The following PDE1C variants were observed in gnomAD, a reference collection of about 807,000 sequenced individuals.
PDE1C encodes the protein dual specificity calcium/calmodulin-dependent 3',5'-cyclic nucleotide phosphodiesterase 1C.
PDE1C carries 62 observed loss-of-function variants against 93.1 expected under a neutral mutation model. The observed-to-expected ratio is 0.67, with a 90% CI of 0.54 to 0.82. The LOEUF (loss-of-function observed/expected upper bound fraction) is 0.82. PDE1C is among the 40% of genes least tolerant of loss of function. The pLI is 0.00. For synonymous variants in PDE1C, 325 were observed against 310.1 expected (o/e 1.05, Z -0.50); for missense variants, 742 against 884.6 (o/e 0.84, Z 2.04).
the PDE1C span, chr7:31,643,230 G>C: frequency 1.5e-5 from 25 of 1,613,866 alleles, no homozygotes; most frequent in Admixed American, 4.2e-4. Flanking sequence ...CACGAGAAGA[G>C]GAAAGCAGTG....
chr7:32,316,572 AATGATC>A (rs1213022856), intron 1 of PDE1C, among the ~76,000 whole-genome samples: 1 of 152,194 alleles, frequency 6.6e-6, no homozygotes, highest in Non-Finnish European at 1.5e-5. Context: ...AGTTCTAAAT[AATGATC>A]ATGAATTACA....
chr7:31,736,239 C>T, the PDE1C span, among the ~76,000 whole-genome samples: 8 of 152,196 alleles, frequency 5.3e-5, no homozygotes, highest in Non-Finnish European at 8.8e-5. Context: ...TGTGGGCAGG[C>T]TTGCCTTAGG....
chr7:32,260,789 G>A (rs567508174), intron 1 of PDE1C, among the ~76,000 whole-genome samples: 161 of 152,312 alleles, frequency 1.1e-3, no homozygotes, highest in African/African-American at 3.7e-3. Context: ...CTTGCCTGGG[G>A]ACCAGTCTGC....
chr7:32,113,423 C>T (rs1467583692), intron 3 of PDE1C, among the ~76,000 whole-genome samples: 1 of 150,092 alleles, frequency 6.7e-6, no homozygotes, highest in Non-Finnish European at 1.5e-5. Flanking sequence ...ATTGTTATAG[C>T]TTTATAATAT....
Position 31,879,054 on chromosome 7 carries a change from C to G in PDE1C, c.367G>C (p.Glu123Gln), listed in dbSNP as rs865799888. Residue 123 changes from glutamate (E) to glutamine (Q), a missense_variant, in exon 4 of 18, where the codon GAG becomes CAG. Glu to Gln is a conservative substitution (Grantham distance 29). Around this residue, in one of 4 missense-constraint regions of PDE1C, gnomAD observed 205 missense variants for 295.3 expected, o/e 0.69. Coordinates refer to ENST00000396191, the MANE Select transcript of PDE1C (RefSeq NM_001191057.4). ...QMGMMLRRSDEKPRFKSIVHA... is the reference protein window; with the variant it reads ...QMGMMLRRSDQKPRFKSIVHA... ...ACGATGCTCTTGAACCGGGGCTTCT[C>G]GTCGCTCCTCCTGAGCATCATCCCC... 6.2e-7 allele frequency: 1 copy of G among 1,614,056 alleles called. No individual in the cohort carries two copies. Among genetic ancestry groups the G allele is most frequent in the Admixed American group, 1.7e-5 (1 of 60,008 alleles).
At chr7:32,091,101 A>C (rs1441132299) in intron 3 of PDE1C, among the ~76,000 whole-genome samples, 1 of 152,186 alleles carries the variant, frequency 6.6e-6, no homozygotes, top group Non-Finnish European at 1.5e-5. Flanking sequence ...ATATTCACCT[A>C]TCTCCAATGC....
At chr7:31,647,083 C>T in the PDE1C span, among the ~76,000 whole-genome samples, 1 of 152,206 alleles carries the variant, frequency 6.6e-6, no homozygotes, top group African/African-American at 2.4e-5. Flanking sequence ...CATATGCACA[C>T]AGGCGCATGT....
intron 2 of PDE1C, among the ~76,000 whole-genome samples, chr7:31,966,434 C>T (rs61167527): frequency 0.018 from 2,723 of 152,186 alleles, 79 homozygotes; most frequent in African/African-American, 0.061. Context: ...ATGCACCCAA[C>T]ACAGGAGCAC....
At chr7:32,241,946 T>A (rs529447471) in intron 1 of PDE1C, among the ~76,000 whole-genome samples, 1 of 152,282 alleles carries the variant, frequency 6.6e-6, no homozygotes, top group African/African-American at 2.4e-5. Flanking sequence ...CTCTTCTGAT[T>A]GCTTCTACCT....
chr7:31,866,755 G>A lies in PDE1C; in HGVS notation c.610-1673C>T, dbSNP rs570370200. 3.1e-4 allele frequency among the ~76,000 whole-genome samples: 47 copies of A among 152,222 alleles called. No homozygotes were observed. The South Asian group carries it at 5.8e-3, about 19-fold the overall frequency. On this transcript the variant is annotated intron_variant, in intron 6 of 17. Coordinates refer to ENST00000396191, the MANE Select transcript of PDE1C (RefSeq NM_001191057.4). ...AAAGCAAGGAAGGAGAGAGAATCAA[G>A]GCATGGATTGGCTGGAATCCTGGAG...
intron 3 of PDE1C, among the ~76,000 whole-genome samples, chr7:32,111,934 T>A (rs1798664033): frequency 1.3e-5 from 2 of 152,228 alleles, no homozygotes; most frequent in South Asian, 4.1e-4. Flanking sequence ...TCTCCCAGTC[T>A]CATTTTGGTA....
upstream of PDE1C, chr7:32,299,350 T>C: frequency 1.0e-6 from 1 of 985,778 alleles, no homozygotes; most frequent in South Asian, 4.7e-5. Context: ...CCACGCCCAC[T>C]TCCTTCTAGC....
intron 12 of PDE1C, among the ~76,000 whole-genome samples, chr7:31,826,393 T>C (rs1316431224): frequency 6.6e-6 from 1 of 152,232 alleles, no homozygotes; most frequent in Non-Finnish European, 1.5e-5. Context: ...TTATGGTTAA[T>C]ACAGTGTTGT....
chr7:32,334,841 T>C (rs1360842986), intron 1 of PDE1C, among the ~76,000 whole-genome samples: 3 of 152,224 alleles, frequency 2.0e-5, no homozygotes, highest in African/African-American at 4.8e-5. Context: ...TAGTTATCTT[T>C]GAATGATAGG....
chr7:31,872,240 G>A (rs901257738), intron 6 of PDE1C, among the ~76,000 whole-genome samples: 10 of 152,028 alleles, frequency 6.6e-5, no homozygotes, highest in African/African-American at 2.4e-4. Context: ...GGGTATAGGG[G>A]GTTGGTGATA....
At chr7:31,691,096 T>G in the PDE1C span, among the ~76,000 whole-genome samples, 1 of 152,134 alleles carries the variant, frequency 6.6e-6, no homozygotes, top group East Asian at 1.9e-4. Flanking sequence ...ATACAAACAC[T>G]GAAAACAATG....
intron 2 of PDE1C, among the ~76,000 whole-genome samples, chr7:31,933,267 TTTAA>T (rs1455490252): frequency 2.8e-4 from 42 of 152,296 alleles, no homozygotes; most frequent in Admixed American, 1.6e-3. Context: ...TGTTTTTCTC[TTTAA>T]TTAGAGAAAA....
chr7:31,833,971 C>A (rs903990723), intron 11 of PDE1C, among the ~76,000 whole-genome samples: 2 of 152,198 alleles, frequency 1.3e-5, no homozygotes, highest in Admixed American at 6.5e-5. Flanking sequence ...GGCCCAGGGT[C>A]CCCCTGCTGT....
intron 7 of PDE1C, among the ~76,000 whole-genome samples, chr7:31,858,489 A>T (rs1390894542): frequency 6.6e-6 from 1 of 152,170 alleles, no homozygotes; most frequent in East Asian, 1.9e-4. Flanking sequence ...TTTCTAAACC[A>T]TTGAGATTTG....
Sources: allele counts gnomAD v4.1 joint callset (sites outside exome capture counted in the v4.1 genomes callset), GRCh38; gene constraint gnomAD v4.1.1; regional missense constraint gnomAD v4.1.1; transcripts MANE v1.5; gene names NCBI Gene and HGNC (gene_info 2026-07-23, HGNC 2026-07-21).